The following SACM1L variants were observed in gnomAD, a reference collection of about 807,000 sequenced individuals.
The protein encoded by SACM1L is phosphatidylinositol-3-phosphatase SAC1.
SACM1L carries 32 observed loss-of-function variants against 89.5 expected under a neutral mutation model. The ratio of observed to expected loss-of-function variants is 0.36; its 90% confidence interval spans 0.27 to 0.48. The LOEUF is 0.48. Among genes scored for constraint, SACM1L ranks in the 20% least tolerant of loss-of-function variants. SACM1L has a pLI of 0.99. For synonymous variants in SACM1L, 213 were observed against 232.8 expected (o/e 0.92, Z 0.77); for missense variants, 543 against 708.5 (o/e 0.77, Z 2.65).
At chr3:45,716,889 C>A (rs2249357) in intron 7 of SACM1L, among the ~76,000 whole-genome samples, 63,093 of 151,992 alleles carry the variant, frequency 0.42, 14,906 homozygotes, top group Middle Eastern at 0.56. Flanking sequence ...TCCATGCTTT[C>A]TGGATTCTCT....
At chr3:45,705,784 A>G (rs189798038) in intron 3 of SACM1L, among the ~76,000 whole-genome samples, 26 of 152,308 alleles carry the variant, frequency 1.7e-4, no homozygotes, top group African/African-American at 5.5e-4. Flanking sequence ...GATTACAGGC[A>G]TGAGCCACCA....
chr3:45,706,049 G>A (rs1698384948), intron 3 of SACM1L, among the ~76,000 whole-genome samples: 1 of 152,194 alleles, frequency 6.6e-6, no homozygotes, highest in African/African-American at 2.4e-5. Context: ...AGTGAGAGAG[G>A]CGTGTAAGTA....
At chr3:45,714,960 T>G (rs1698616052) in intron 7 of SACM1L, among the ~76,000 whole-genome samples, 1 of 152,248 alleles carries the variant, frequency 6.6e-6, no homozygotes. Flanking sequence ...ATATTTCTAC[T>G]GTATCTTTTC....
At chr3:45,707,891 A>C (rs74597139) in intron 4 of SACM1L, among the ~76,000 whole-genome samples, 1 of 152,184 alleles carries the variant, frequency 6.6e-6, no homozygotes, top group African/African-American at 2.4e-5. Flanking sequence ...GTCTCTTGAT[A>C]AATTTTTTTA....
intron 11 of SACM1L, among the ~76,000 whole-genome samples, chr3:45,725,992 T>G (rs1345355464): frequency 6.6e-6 from 1 of 152,096 alleles, no homozygotes. Flanking sequence ...ACTAATGTGG[T>G]ATGTTATACT....
intron 5 of SACM1L, among the ~76,000 whole-genome samples, chr3:45,710,216 T>C (rs1261485507): frequency 6.6e-6 from 1 of 151,522 alleles, no homozygotes; most frequent in Non-Finnish European, 1.5e-5. Flanking sequence ...TTTTTTTTTC[T>C]TTGAGACAGA....
At chr3:45,718,084 A>G (rs888227791) in intron 7 of SACM1L, among the ~76,000 whole-genome samples, 19 of 152,342 alleles carry the variant, frequency 1.2e-4, no homozygotes, top group African/African-American at 4.6e-4. Flanking sequence ...ATTTCTGCTT[A>G]TTTGTACAGA....
rs773820920 is a variant in SACM1L at position 45,706,800 on chromosome 3, A to G, written c.226A>G (p.Thr76Ala). 3 of 1,610,048 alleles carry G rather than the reference A, an allele frequency of 1.9e-6. No homozygotes were observed. The highest frequency in any genetic ancestry group is 2.5e-6 in the Non-Finnish European group (3 of 1,177,288). Residue 76 changes from threonine (T) to alanine (A), a missense_variant, in exon 4 of 20, where the codon ACC becomes GCC. Physicochemically the swap from Thr to Ala is moderately conservative, Grantham distance 58 (BLOSUM62 0). This residue lies in a region of SACM1L where 173 missense variants were observed against 180.9 expected (regional missense o/e 0.96). Transcript: ENST00000389061. ...TGCAGGTAATTATCTTATAGTCATT[A>G]CCAAAAAGATAAAAGTAGGTGAATT... is the stretch of plus-strand genomic sequence containing the variant. ...LVAGNYLIVITKKIKVGEFFS... is the reference protein window; with the variant it reads ...LVAGNYLIVIAKKIKVGEFFS...
chr3:45,701,457 C>G (rs767556901), intron 1 of SACM1L, among the ~76,000 whole-genome samples: 3 of 152,148 alleles, frequency 2.0e-5, no homozygotes, highest in Admixed American at 6.5e-5. Flanking sequence ...ATGGCTTACA[C>G]TTGGAATGCA....
At chr3:45,708,720 G>A (rs1215357948) in intron 4 of SACM1L, among the ~76,000 whole-genome samples, 1 of 152,028 alleles carries the variant, frequency 6.6e-6, no homozygotes, top group Non-Finnish European at 1.5e-5. Context: ...TTGTTGTCAA[G>A]CTGTGTAGCT....
chr3:45,732,017 C>A, intron 12 of SACM1L, 36 bp from the exon 13 acceptor site: 1 of 1,235,192 alleles, frequency 8.1e-7, no homozygotes, highest in Non-Finnish European at 1.2e-6. Flanking sequence ...AATGAATGAT[C>A]TCTGGTCGGT....
At chr3:45,709,883 T>C (rs1698481788) in intron 5 of SACM1L, among the ~76,000 whole-genome samples, 1 of 151,858 alleles carries the variant, frequency 6.6e-6, no homozygotes, top group African/African-American at 2.4e-5. Context: ...TTCAGAAATC[T>C]TTGTATAAAC....
At chr3:45,728,659 T>A (rs1388901661) in intron 11 of SACM1L, among the ~76,000 whole-genome samples, 2 of 152,184 alleles carry the variant, frequency 1.3e-5, no homozygotes, top group African/African-American at 4.8e-5. Flanking sequence ...TGCAGTTGGC[T>A]CTTATTTATG....
intron 7 of SACM1L, among the ~76,000 whole-genome samples, chr3:45,715,218 C>T (rs1434067407): frequency 6.6e-6 from 1 of 151,916 alleles, no homozygotes; most frequent in Non-Finnish European, 1.5e-5. Flanking sequence ...AGGATTGTGC[C>T]CTGAAGAAAA....
At position 45,703,433 on chromosome 3, in the gene SACM1L, C is replaced by G. The variant is rs753237930; in HGVS notation, c.33-5C>G. 3 of 1,595,460 alleles carry G rather than the reference C, an allele frequency of 1.9e-6. No homozygotes were observed. The highest frequency in any genetic ancestry group is 2.6e-6 in the Non-Finnish European group (3 of 1,163,634). ...TAGTTATTTATGTTTTACATTTCTT[C>G]TTAGGCATATCACACCTGAAAAATT... On this transcript the variant is annotated splice_polypyrimidine_tract_variant and splice_region_variant and intron_variant, in intron 1 of 19. Transcript: ENST00000389061.
chr3:45,697,682 A>G (rs773387606), intron 1 of SACM1L, among the ~76,000 whole-genome samples: 4 of 152,212 alleles, frequency 2.6e-5, no homozygotes, highest in Non-Finnish European at 5.9e-5. Context: ...GTATTATGCT[A>G]TTTTGATATA....
In SACM1L at chr3:45,723,533, T is replaced by C; in HGVS notation, c.911T>C (p.Ile304Thr). The C allele has an allele frequency of 6.7e-7, 1 of 1,494,384 alleles. No homozygotes were observed. Among genetic ancestry groups the C allele is most frequent in the Non-Finnish European group, 9.1e-7 (1 of 1,104,272 alleles). 92.6% of individuals were successfully genotyped at this position (1,494,384 alleles called of 1,614,324 possible). The change falls in exon 11 of 20, where the codon ATA becomes ACA. Residue 304 changes from isoleucine to threonine, a missense_variant. Around this residue, in one of 2 missense-constraint regions of SACM1L, gnomAD observed 370 missense variants for 527.6 expected, o/e 0.70. Transcript: ENST00000389061. ...GTAATTATTTATGGAAAACAAGTTA[T>C]AATCAATCTGGTATGTTTCTTATGT... ...SQVIIYGKQV[I>T]INLINQKGSE... is the part of the protein sequence containing the mutation.
Position 45,689,413 on chromosome 3 carries a change from G to A in SACM1L, c.-53G>A. ...TGACCGGTAGAGTTGTAGCCGAGGT[G>A]GCGGCGCGGGGCGGGGCGGGCGGAG... On this transcript the variant is annotated 5_prime_UTR_variant, in exon 1 of 20. Coordinates refer to ENST00000389061, the MANE Select transcript of SACM1L (RefSeq NM_014016.5). 3.9e-6 allele frequency: 6 copies of A among 1,556,308 alleles called. No homozygotes were observed. Among genetic ancestry groups the A allele is most frequent in the Non-Finnish European group, 5.2e-6 (6 of 1,150,280 alleles).
At chr3:45,714,486 C>T (rs1698603272) in intron 7 of SACM1L, among the ~76,000 whole-genome samples, 1 of 152,118 alleles carries the variant, frequency 6.6e-6, no homozygotes, top group Non-Finnish European at 1.5e-5. Flanking sequence ...GTCCCAGTTA[C>T]TCAGGAGGCT....
Sources: allele counts gnomAD v4.1 joint callset (sites outside exome capture counted in the v4.1 genomes callset), GRCh38; gene constraint gnomAD v4.1.1; regional missense constraint gnomAD v4.1.1; transcripts MANE v1.5; gene names NCBI Gene and HGNC (gene_info 2026-07-23, HGNC 2026-07-21).